The following PTAR1 variants were observed in gnomAD, a reference collection of about 807,000 sequenced individuals.
The protein encoded by PTAR1 is protein prenyltransferase alpha subunit repeat containing 1.
PTAR1 carries 17 observed loss-of-function variants against 45.5 expected under a neutral mutation model. The ratio of observed to expected loss-of-function variants is 0.37; its 90% CI spans 0.26 to 0.56. The LOEUF (loss-of-function observed/expected upper bound fraction) is 0.56, where lower values mean the gene tolerates loss of function less well. PTAR1 is among the 20% of genes least tolerant of loss of function. The pLI, the probability that PTAR1 is intolerant of heterozygous loss-of-function variation, is 0.77. For synonymous variants in PTAR1, 169 were observed against 171.3 expected, an observed-to-expected ratio of 0.99 and a Z score of 0.11; for missense variants, 391 against 476.3, an observed-to-expected ratio of 0.82 and a Z score of 1.67.
In PTAR1 at chr9:69,749,355, C is replaced by T. The variant is rs575899839; in HGVS notation, c.256+1426G>A. Among the ~76,000 whole-genome samples, 7 of 152,256 alleles carry T rather than the reference C, an allele frequency of 4.6e-5. No individual in the cohort carries two copies. In the South Asian group the frequency reaches 1.5e-3, roughly 32 times the overall value. On this transcript the variant is annotated intron_variant, in intron 2 of 7. Coordinates refer to ENST00000340434, the MANE Select transcript of PTAR1 (RefSeq NM_001099666.2). Reference sequence around the variant, plus strand: ...TCTGTGCACCAGAATATAAACAGTACAGCTTTGTTTGGCAAAAAATAACTT... The same window carrying T: ...TCTGTGCACCAGAATATAAACAGTATAGCTTTGTTTGGCAAAAAATAACTT...
At position 69,723,485 on chromosome 9, in the gene PTAR1, A is replaced by C. The variant is rs767182277; in HGVS notation, c.788T>G (p.Leu263Trp). The change falls in exon 6 of 8, where the codon TTG (leucine) becomes TGG (tryptophan). Residue 263 changes from leucine to tryptophan, a missense_variant. Leu to Trp is a moderately conservative substitution (Grantham distance 61). Around this residue, in one of 5 missense-constraint regions of PTAR1, gnomAD observed 181 missense variants for 227.7 expected, o/e 0.80. Coordinates refer to ENST00000340434, the MANE Select transcript of PTAR1 (RefSeq NM_001099666.2). ...AGGAACTAGGGCTGGCTCACTTCTC[A>C]AAGGATTTTGCTCCATCACAGAACT... is the stretch of plus-strand genomic sequence containing the variant. ...IDSSVMEQNPLRSEPALVPPK... is the reference protein window; with the variant it reads ...IDSSVMEQNPWRSEPALVPPK... 2 of 1,613,880 alleles carry C rather than the reference A, an allele frequency of 1.2e-6. No homozygotes were observed. The highest frequency in any genetic ancestry group is 3.3e-5 in the Admixed American group (2 of 60,002).
chr9:69,738,308 G>C (rs754106944), intron 3 of PTAR1, among the ~76,000 whole-genome samples: 1 of 152,074 alleles, frequency 6.6e-6, no homozygotes, highest in Non-Finnish European at 1.5e-5. Context: ...ATATCAATCT[G>C]GATTACCTGG....
At position 69,718,474 on chromosome 9, in the gene PTAR1, C is replaced by T. The variant is rs753475985; in HGVS notation, c.1077G>A (p.Thr359=). ...YSQETKRLKR[T]PVPDSLGLEM... ...CTAGGCCTAGGGAGTCTGGAACTGG[C>T]GTCCGCTTCAGGCGTTTGGTTTCCT... Residue 359 remains threonine (T), a synonymous_variant, in exon 8 of 8, where the codon ACG becomes ACA. Transcript: ENST00000340434. 9.9e-6 allele frequency: 16 copies of T among 1,613,616 alleles called. No homozygotes were observed. Among genetic ancestry groups the T allele is most frequent in the South Asian group, 5.5e-5 (5 of 91,084 alleles).
intron 5 of PTAR1, among the ~76,000 whole-genome samples, chr9:69,730,276 C>T (rs1008302748): frequency 2.0e-5 from 3 of 151,944 alleles, no homozygotes; most frequent in African/African-American, 7.3e-5. Context: ...CTGAGCTCAC[C>T]ATTAATGAGT....
Position 69,715,730 on chromosome 9 carries a change from T to G in PTAR1, c.*2612A>C, listed in dbSNP as rs998687941. On this transcript the variant is annotated 3_prime_UTR_variant, in exon 8 of 8. Coordinates refer to ENST00000340434, the MANE Select transcript of PTAR1 (RefSeq NM_001099666.2). ...AGCTCAGTCAAAGACATTATCATGC[T>G]ACAGCTAGCGGGTTTAAATATTAAC... 6.6e-6 allele frequency: 1 copy of G among 152,150 alleles called. No homozygotes were observed. The highest frequency in any genetic ancestry group is 2.4e-5 in the African/African-American group (1 of 41,450). 9.4% of individuals were successfully genotyped at this position (152,150 alleles called of 1,614,324 possible).
intron 2 of PTAR1, among the ~76,000 whole-genome samples, chr9:69,742,964 G>A (rs1299895682): frequency 2.0e-5 from 3 of 151,958 alleles, no homozygotes; most frequent in Non-Finnish European, 4.4e-5. Flanking sequence ...TATTGTCTTT[G>A]TCTTACTAAA....
Position 69,718,597 on chromosome 9 carries a change from C to G in PTAR1, c.983-29G>C, listed in dbSNP as rs752993454. ...GGATAAGGTGCAAGTCACTCAAAGT[C>G]CCCCCAGGGCTGTCTGCAGGTGACA... On this transcript the variant is annotated intron_variant, in intron 7 of 7. Transcript: ENST00000340434. 4 of 1,613,186 alleles carry G rather than the reference C, an allele frequency of 2.5e-6. No individual in the cohort carries two copies. The African/African-American group carries it at 5.3e-5, about 22-fold the overall frequency.
intron 1 of PTAR1, among the ~76,000 whole-genome samples, chr9:69,756,770 C>T (rs1203058506): frequency 6.6e-6 from 1 of 152,190 alleles, no homozygotes; most frequent in Non-Finnish European, 1.5e-5. Flanking sequence ...ACTTGCTCAT[C>T]ATGCTCCTAT....
At chr9:69,733,475 C>T (rs1275642509) in intron 4 of PTAR1, among the ~76,000 whole-genome samples, 2 of 152,074 alleles carry the variant, frequency 1.3e-5, no homozygotes, top group East Asian at 3.9e-4. Context: ...AAGCCCACAC[C>T]ATCCCATTTT....
At position 69,734,256 on chromosome 9, in the gene PTAR1, T is replaced by A; in HGVS notation, c.324-2A>T. 1 of 431,458 alleles carries A rather than the reference T, an allele frequency of 2.3e-6. No individual in the cohort carries two copies. Among genetic ancestry groups the A allele is most frequent in the Admixed American group, 6.8e-5 (1 of 14,806 alleles). 26.7% of individuals were successfully genotyped at this position (431,458 alleles called of 1,614,324 possible). ...GTGCCAGAGAGGATCAGCTCTTTCC[T>A]GTAAAAAAAAAAAAAAAAAAAAAAA... On this transcript the variant is annotated splice_acceptor_variant, in intron 3 of 7. Transcript: ENST00000340434. LOFTEE classifies it high-confidence loss of function.
intron 3 of PTAR1, among the ~76,000 whole-genome samples, chr9:69,741,302 C>G (rs2134136942): frequency 6.6e-6 from 1 of 152,260 alleles, no homozygotes. Context: ...ATAACAAACA[C>G]CGCCTACCTA....
At chr9:69,758,743 G>C in intron 1 of PTAR1, 1 of 361,424 alleles carries the variant, frequency 2.8e-6, no homozygotes, top group South Asian at 2.1e-5. Context: ...TACACGTTTG[G>C]CAACTTTTTT....
chr9:69,727,151 C>T (rs914065273), intron 5 of PTAR1, among the ~76,000 whole-genome samples: 17 of 151,940 alleles, frequency 1.1e-4, no homozygotes, highest in Admixed American at 1.1e-3. Flanking sequence ...TTATCTATCA[C>T]CTCACATAAG....
rs1303524294 is a variant in PTAR1, at chr9:69,717,206, TTA to T, written c.*1134_*1135del. On this transcript the variant is annotated 3_prime_UTR_variant, in exon 8 of 8. Coordinates refer to ENST00000340434, the MANE Select transcript of PTAR1 (RefSeq NM_001099666.2). Reference sequence around the variant, plus strand: ...CTTTAACAGTCACTTCATGATAATTTTATAGTTTCCATAGTGTATCCTCAATA... The same window carrying T: ...CTTTAACAGTCACTTCATGATAATTTTAGTTTCCATAGTGTATCCTCAATA... The T allele has an allele frequency of 6.6e-6, 1 of 152,230 alleles. No homozygotes were observed. The highest frequency in any genetic ancestry group is 1.5e-5 in the Non-Finnish European group (1 of 68,034). The allele number at this position is 152,230 out of a possible 1,614,324, so 9.4% of individuals were successfully genotyped here.
chr9:69,717,655 A>C lies in PTAR1; in HGVS notation c.*687T>G, dbSNP rs1451947802. On this transcript the variant is annotated 3_prime_UTR_variant, in exon 8 of 8. Coordinates refer to ENST00000340434, the MANE Select transcript of PTAR1 (RefSeq NM_001099666.2). The stretch of plus-strand genomic sequence containing the variant: ...GCCATTTGATTCTCAAAACAATTAC[A>C]TCAAGTTATTCGGCATTCATACCAA... 2 of 152,248 alleles carry C rather than the reference A, an allele frequency of 1.3e-5. No individual in the cohort carries two copies. Among genetic ancestry groups the C allele is most frequent in the African/African-American group, 4.8e-5 (2 of 41,472 alleles). 9.4% of individuals were successfully genotyped at this position (152,248 alleles called of 1,614,324 possible). A position where few individuals can be genotyped will look rare whatever the true frequency, so the allele number is the denominator to read the frequency against.
intron 2 of PTAR1, among the ~76,000 whole-genome samples, chr9:69,743,511 A>T (rs10120561): frequency 0.14 from 22,029 of 152,134 alleles, 1,714 homozygotes; most frequent in East Asian, 0.27. Flanking sequence ...ACTAGTGAGC[A>T]TATTGGAATA....
intron 1 of PTAR1, 56 bp from the exon 2 acceptor site, chr9:69,751,006 A>C: frequency 8.2e-7 from 1 of 1,218,626 alleles, no homozygotes; most frequent in South Asian, 1.6e-5. Flanking sequence ...CCTTTTCAAC[A>C]TTTTTCTAAT....
chr9:69,721,461 T>C (rs905806443), intron 6 of PTAR1, among the ~76,000 whole-genome samples: 10 of 152,184 alleles, frequency 6.6e-5, no homozygotes, highest in African/African-American at 1.7e-4. Context: ...GCTGTGAACA[T>C]TGTTGAAATG....
In PTAR1 at chr9:69,713,925, A is replaced by G. The variant is rs1341790783; in HGVS notation, c.*4417T>C. ...GGGAATAAATAAAACAATGGGCCAC[A>G]ATCAACTGTTTGATAAAACTTCCAT... On this transcript the variant is annotated 3_prime_UTR_variant, in exon 8 of 8. Coordinates refer to ENST00000340434, the MANE Select transcript of PTAR1 (RefSeq NM_001099666.2). 6.6e-6 allele frequency: 1 copy of G among 152,182 alleles called. No homozygotes were observed. Among genetic ancestry groups the G allele is most frequent in the African/African-American group, 2.4e-5 (1 of 41,460 alleles). The allele number at this position is 152,182 out of a possible 1,614,324, so 9.4% of individuals were successfully genotyped here.
Sources: allele counts gnomAD v4.1 joint callset (sites outside exome capture counted in the v4.1 genomes callset), GRCh38; gene constraint gnomAD v4.1.1; regional missense constraint gnomAD v4.1.1; transcripts MANE v1.5; gene names NCBI Gene and HGNC (gene_info 2026-07-23, HGNC 2026-07-21).